The following ST3GAL3 variants were observed in gnomAD, a reference collection of about 807,000 sequenced individuals.
The protein encoded by ST3GAL3 is CMP-N-acetylneuraminate-beta-1,4-galactoside alpha-2,3-sialyltransferase.
Under a neutral mutation model 50.1 loss-of-function variants are expected in ST3GAL3, and 21 were observed. That is an observed-to-expected ratio of 0.42 (90% CI 0.30 to 0.60). The LOEUF (loss-of-function observed/expected upper bound fraction) is 0.60, where lower values mean the gene tolerates loss of function less well. ST3GAL3 is among the 20% of genes least tolerant of loss of function. ST3GAL3 has a pLI of 0.19. For synonymous variants in ST3GAL3, 183 were observed against 190.0 expected, an observed-to-expected ratio of 0.96 and a Z score of 0.30; for missense variants, 353 against 489.4, an observed-to-expected ratio of 0.72 and a Z score of 2.63.
chr1:43,784,648 C>CAT (rs1197521334), intron 2 of ST3GAL3, among the ~76,000 whole-genome samples: 4 of 152,222 alleles, frequency 2.6e-5, no homozygotes, highest in Non-Finnish European at 5.9e-5. Context: ...CTGATCTTTT[C>CAT]ATACAGTCTC....
At chr1:43,774,570 A>G (rs1369948714) in intron 2 of ST3GAL3, among the ~76,000 whole-genome samples, 2 of 152,196 alleles carry the variant, frequency 1.3e-5, no homozygotes, top group Non-Finnish European at 2.9e-5. Flanking sequence ...ATATGAAGAA[A>G]TAGATGACTC....
chr1:43,707,562 A>G lies in ST3GAL3; in HGVS notation c.-162A>G, dbSNP rs1661907376. On this transcript the variant is annotated 5_prime_UTR_variant, in exon 1 of 12. The change abolishes an upstream ATG in the 5' untranslated region. Transcript: ENST00000347631. ...CTGCGTCCCCACTATGGCGGCGCCC[A>G]TGCAGCCCAGCGCGTTGTGGGCTCC... 6.6e-6 allele frequency: 1 copy of G among 151,596 alleles called. No homozygotes were observed. The highest frequency in any genetic ancestry group is 6.6e-5 in the Admixed American group (1 of 15,208). The allele number at this position is 151,596 out of a possible 1,614,324, so 9.4% of individuals were successfully genotyped here.
intron 2 of ST3GAL3, among the ~76,000 whole-genome samples, chr1:43,769,659 A>C (rs1478743740): frequency 6.6e-6 from 1 of 152,188 alleles, no homozygotes; most frequent in African/African-American, 2.4e-5. Context: ...TAGATGGTTC[A>C]AGTGTTTTAG....
chr1:43,898,125 C>G (rs2077657841), intron 6 of ST3GAL3, 110 bp from the exon 7 acceptor site: 3 of 1,176,826 alleles, frequency 2.5e-6, no homozygotes, highest in Non-Finnish European at 3.7e-6. Flanking sequence ...TCTCCACTTC[C>G]ACTTTCACTC....
intron 2 of ST3GAL3, among the ~76,000 whole-genome samples, chr1:43,775,233 AT>A (rs60327798): frequency 0.046 from 6,505 of 142,184 alleles, 267 homozygotes; most frequent in African/African-American, 0.11. Flanking sequence ...GGAAATCTGA[AT>A]TTTTTTTTTT....
intron 2 of ST3GAL3, among the ~76,000 whole-genome samples, chr1:43,759,059 G>GCACA (rs1491311114): frequency 3.0e-5 from 2 of 66,198 alleles, no homozygotes; most frequent in African/African-American, 1.4e-4. Flanking sequence ...ACAAACAAAA[G>GCACA]CGCGCGCACA....
intron 2 of ST3GAL3, among the ~76,000 whole-genome samples, chr1:43,741,411 AT>A (rs1558092128): frequency 6.6e-6 from 1 of 152,220 alleles, no homozygotes; most frequent in African/African-American, 2.4e-5. Context: ...TCTTCCTCAT[AT>A]TTATAAAAGA....
intron 11 of ST3GAL3, chr1:43,921,794 G>A (rs2083073833): frequency 5.0e-6 from 2 of 398,686 alleles, no homozygotes; most frequent in Non-Finnish European, 4.4e-6. Context: ...AGGGGACTCT[G>A]ATCTGTCGGG....
At chr1:43,861,920 T>C (rs2070047273) in intron 5 of ST3GAL3, among the ~76,000 whole-genome samples, 1 of 151,726 alleles carries the variant, frequency 6.6e-6, no homozygotes, top group African/African-American at 2.4e-5. Context: ...CCCAGCTACT[T>C]GGGAGGCTGA....
intron 1 of ST3GAL3, among the ~76,000 whole-genome samples, chr1:43,717,998 G>A (rs1291246333): frequency 2.0e-5 from 3 of 151,276 alleles, no homozygotes; most frequent in African/African-American, 7.3e-5. Flanking sequence ...TCAGCCTCCC[G>A]AGTAGCTGGG....
chr1:43,917,191 A>G (rs562387930), intron 9 of ST3GAL3, among the ~76,000 whole-genome samples: 2 of 151,994 alleles, frequency 1.3e-5, no homozygotes, highest in East Asian at 3.9e-4. Flanking sequence ...GCACCAAGAT[A>G]TAGATACACA....
At chr1:43,851,046 A>G in intron 5 of ST3GAL3, 3 of 843,122 alleles carry the variant, frequency 3.6e-6, no homozygotes, top group Non-Finnish European at 6.2e-6. Flanking sequence ...GCCTGCTGAT[A>G]TGTGCCATGT....
intron 9 of ST3GAL3, among the ~76,000 whole-genome samples, chr1:43,909,468 G>A (rs544365816): frequency 1.4e-4 from 21 of 152,320 alleles, no homozygotes; most frequent in African/African-American, 4.8e-4. Flanking sequence ...CACACGGACC[G>A]CCCCAAGCCG....
intron 4 of ST3GAL3, among the ~76,000 whole-genome samples, chr1:43,815,949 C>T (rs887532842): frequency 1.3e-5 from 2 of 150,050 alleles, no homozygotes; most frequent in East Asian, 2.0e-4. Context: ...AGGATGACTG[C>T]GTACTTTCCT....
chr1:43,838,740 T>G, intron 5 of ST3GAL3: 1 of 277,724 alleles, frequency 3.6e-6, no homozygotes, highest in East Asian at 8.4e-5. Flanking sequence ...GAGGCTGTCT[T>G]GAGTTTTAGC....
chr1:43,826,564 G>A (rs1301072848), intron 4 of ST3GAL3, among the ~76,000 whole-genome samples: 1 of 152,098 alleles, frequency 6.6e-6, no homozygotes, highest in Non-Finnish European at 1.5e-5. Flanking sequence ...AAAGCAGAAA[G>A]AACGCTTTCT....
chr1:43,924,827 G>T (rs2083628667), intron 11 of ST3GAL3, among the ~76,000 whole-genome samples: 2 of 152,220 alleles, frequency 1.3e-5, no homozygotes, highest in Admixed American at 1.3e-4. Context: ...GGATTGCCTT[G>T]GTGCAGGAAT....
intron 5 of ST3GAL3, among the ~76,000 whole-genome samples, chr1:43,848,454 C>A (rs564531690): frequency 1.3e-5 from 2 of 151,634 alleles, no homozygotes; most frequent in African/African-American, 2.4e-5. Flanking sequence ...TACAAGCATG[C>A]GCCACCACAC....
At chr1:43,820,473 A>T (rs1019251708) in intron 4 of ST3GAL3, among the ~76,000 whole-genome samples, 10 of 152,084 alleles carry the variant, frequency 6.6e-5, no homozygotes, top group Non-Finnish European at 1.2e-4. Context: ...CAAAATAAAG[A>T]GCTTTTGCAC....
Sources: allele counts gnomAD v4.1 joint callset (sites outside exome capture counted in the v4.1 genomes callset), GRCh38; gene constraint gnomAD v4.1.1; transcripts MANE v1.5; gene names NCBI Gene and HGNC (gene_info 2026-07-23, HGNC 2026-07-21).